TTLL11: variants seen among roughly 807,000 people sequenced by gnomAD.
TTLL11 encodes the protein tubulin tyrosine ligase like 11.
In TTLL11, 42 loss-of-function variants were observed where a neutral mutation model predicts 51.7. The observed-to-expected ratio is 0.81, with a 90% CI of 0.64 to 1.05. The LOEUF (loss-of-function observed/expected upper bound fraction) is 1.05, where lower values mean the gene tolerates loss of function less well. TTLL11 is among the 50% of genes least tolerant of loss of function. The pLI is 0.00. For missense variants in TTLL11, 799 were observed against 940.4 expected (o/e 0.85, Z 1.97); for synonymous variants, 381 against 383.5 (o/e 0.99, Z 0.08).
chr9:121,852,883 C>T (rs906304542), intron 8 of TTLL11, among the ~76,000 whole-genome samples: 4 of 152,230 alleles, frequency 2.6e-5, no homozygotes, highest in Non-Finnish European at 4.4e-5. Context: ...GAACATCGTT[C>T]GTGCCAGACA....
chr9:122,021,169 G>A (rs552039334), intron 3 of TTLL11, among the ~76,000 whole-genome samples: 1 of 152,326 alleles, frequency 6.6e-6, no homozygotes, highest in South Asian at 2.1e-4. Flanking sequence ...ATTCCTGAGA[G>A]ATAGGAATTG....
intron 8 of TTLL11, among the ~76,000 whole-genome samples, chr9:121,834,921 C>T (rs953701905): frequency 1.3e-5 from 2 of 152,078 alleles, no homozygotes; most frequent in Non-Finnish European, 2.9e-5. Flanking sequence ...AGCGCTATCA[C>T]AATAGTGGTT....
Position 121,826,557 on chromosome 9 carries a change from G to GTGTATATATATATATATA in TTLL11, c.1841-3679_1841-3678insTATATATATATATATACA, listed in dbSNP as rs1189626793. ...TGTGTGTATATATATATATGTGTGT[G>GTGTATATATATATATATA]TATATATATATATATATATATATAT... On this transcript the variant is annotated intron_variant, in intron 8 of 8. Coordinates refer to ENST00000321582, the MANE Select transcript of TTLL11 (RefSeq NM_001139442.2). Among the ~76,000 whole-genome samples, 393 of 51,322 alleles carry GTGTATATATATATATATA rather than the reference G, an allele frequency of 7.7e-3. 13 individuals carry two copies. The highest frequency in any genetic ancestry group is 0.026 in the African/African-American group (370 of 14,178). 33.7% of individuals were successfully genotyped at this position (51,322 alleles called of 152,430 possible).
rs753396285 is a variant in TTLL11 at position 122,093,176 on chromosome 9, T to TGCCACCGCC, written c.-37_-29dup. On this transcript the variant is annotated 5_prime_UTR_variant, in exon 1 of 9. Transcript: ENST00000321582. ...TGCTCAGGGCCGGGGCCAGTGCCAGTGCCACCGCCGCCGCCGCCGCCGCTC... is the reference window on the plus strand; with the variant it reads ...TGCTCAGGGCCGGGGCCAGTGCCAGTGCCACCGCCGCCACCGCCGCCGCCGCCGCCGCTC... 3 of 1,492,304 alleles carry TGCCACCGCC rather than the reference T, an allele frequency of 2.0e-6. No individual in the cohort carries two copies. Among genetic ancestry groups the TGCCACCGCC allele is most frequent in the Admixed American group, 2.2e-5 (1 of 44,666 alleles). 92.4% of individuals were successfully genotyped at this position (1,492,304 alleles called of 1,614,324 possible).
chr9:121,884,310 G>A (rs1323731415), intron 6 of TTLL11, among the ~76,000 whole-genome samples: 1 of 149,184 alleles, frequency 6.7e-6, no homozygotes, highest in African/African-American at 2.5e-5. Flanking sequence ...GGAGCCAAAG[G>A]TTTCCATGCC....
rs1201266401 is a variant in TTLL11, at chr9:122,055,236, G to GATAGATAGATAT, written c.463-15869_463-15868insATATCTATCTAT. Among the ~76,000 whole-genome samples, 4 of 145,086 alleles carry GATAGATAGATAT rather than the reference G, an allele frequency of 2.8e-5. No individual in the cohort carries two copies. In the South Asian group the frequency reaches 8.3e-4, roughly 30 times the overall value. On this transcript the variant is annotated intron_variant, in intron 1 of 8. Coordinates refer to ENST00000321582, the MANE Select transcript of TTLL11 (RefSeq NM_001139442.2). ...AGATAGATAGATAGATAGATAGATA[G>GATAGATAGATAT]ATAGATAAAGGGGAGTTTATTAAGT...
At chr9:122,082,942 G>A (rs1399206472) in intron 1 of TTLL11, among the ~76,000 whole-genome samples, 5 of 152,168 alleles carry the variant, frequency 3.3e-5, no homozygotes, top group South Asian at 2.1e-4. Flanking sequence ...GCTGAGGTGG[G>A]AGGATGGTTT....
intron 3 of TTLL11, among the ~76,000 whole-genome samples, chr9:122,011,624 A>G (rs1843793148): frequency 6.6e-6 from 1 of 152,228 alleles, no homozygotes. Flanking sequence ...AAATACACAC[A>G]GAAGTGGTTA....
Position 121,926,927 on chromosome 9 carries a change from CAA to C in TTLL11, c.1481+47080_1481+47081del, listed in dbSNP as rs1840758126. ...GTTGGTTCTGACAAGGATCCTCTTG[CAA>C]ATGCAGACAGCCGACTTCTCATGAG... On this transcript the variant is annotated intron_variant, in intron 6 of 8. Transcript: ENST00000321582. 2.0e-5 allele frequency among the ~76,000 whole-genome samples: 3 copies of C among 152,184 alleles called. No homozygotes were observed. In the South Asian group the frequency reaches 6.2e-4, roughly 32 times the overall value.
intron 3 of TTLL11, among the ~76,000 whole-genome samples, chr9:121,999,961 T>G (rs1184755915): frequency 1.3e-5 from 2 of 152,198 alleles, no homozygotes; most frequent in Non-Finnish European, 2.9e-5. Context: ...GGTCCACATA[T>G]CAGTTCCTAG....
intron 6 of TTLL11, among the ~76,000 whole-genome samples, chr9:121,954,636 G>A (rs1166470008): frequency 1.3e-5 from 2 of 151,486 alleles, no homozygotes; most frequent in African/African-American, 4.9e-5. Context: ...GTGAGAGACT[G>A]TCAAGAACAC....
intron 1 of TTLL11, among the ~76,000 whole-genome samples, chr9:122,071,411 G>T (rs989644626): frequency 6.6e-6 from 1 of 152,172 alleles, no homozygotes; most frequent in East Asian, 1.9e-4. Context: ...CTGGGTCGCT[G>T]TCTCTCTCTG....
At chr9:122,074,866 C>G (rs913150537) in intron 1 of TTLL11, among the ~76,000 whole-genome samples, 1 of 150,096 alleles carries the variant, frequency 6.7e-6, no homozygotes, top group African/African-American at 2.5e-5. Flanking sequence ...CTGGGCAAGA[C>G]AGCAAGACAC....
At chr9:121,937,903 C>T (rs1392895895) in intron 6 of TTLL11, among the ~76,000 whole-genome samples, 1 of 152,026 alleles carries the variant, frequency 6.6e-6, no homozygotes, top group Non-Finnish European at 1.5e-5. Context: ...CCTAGGATTG[C>T]AAGGATGGTA....
Position 121,827,858 on chromosome 9 carries a change from C to T in TTLL11, c.1841-4979G>A, listed in dbSNP as rs141611106. Reference sequence around the variant, plus strand: ...CAGCGCACTCAGATGATTCAAGTTACGCTGCAGGAGCAGGGCTGCTGGGGT... The same window carrying T: ...CAGCGCACTCAGATGATTCAAGTTATGCTGCAGGAGCAGGGCTGCTGGGGT... On this transcript the variant is annotated intron_variant, in intron 8 of 8. Transcript: ENST00000321582. 7.2e-5 allele frequency among the ~76,000 whole-genome samples: 11 copies of T among 152,292 alleles called. No homozygotes were observed. In the East Asian group the frequency reaches 1.7e-3, roughly 24 times the overall value.
At position 121,995,360 on chromosome 9, in the gene TTLL11, G is replaced by C. The variant is rs1843222149; in HGVS notation, c.694-5590C>G. 6.6e-6 allele frequency among the ~76,000 whole-genome samples: 1 copy of C among 152,200 alleles called. No individual in the cohort carries two copies. ...ACCCAGGAGGAAGATAGTTTGGAAG[G>C]AATGAAACCAGGTGTAGGAAGGACC... On this transcript the variant is annotated intron_variant, in intron 3 of 8. Coordinates refer to ENST00000321582, the MANE Select transcript of TTLL11 (RefSeq NM_001139442.2). The surrounding 1 kb of genome is among the most constrained non-coding windows in gnomAD (Gnocchi z 4.4).
At chr9:122,067,198 GAAT>G (rs1845609652) in intron 1 of TTLL11, among the ~76,000 whole-genome samples, 1 of 152,098 alleles carries the variant, frequency 6.6e-6, no homozygotes, top group Non-Finnish European at 1.5e-5. Context: ...TGGAAAACAG[GAAT>G]AATAATTGCA....
intron 8 of TTLL11, among the ~76,000 whole-genome samples, chr9:121,848,015 A>G (rs1837567177): frequency 6.6e-6 from 1 of 152,174 alleles, no homozygotes; most frequent in South Asian, 2.1e-4. Flanking sequence ...AGCCTGGGCA[A>G]TCCTGTGAGA....
chr9:122,077,136 A>C (rs1369325758), intron 1 of TTLL11, among the ~76,000 whole-genome samples: 1 of 152,226 alleles, frequency 6.6e-6, no homozygotes, highest in African/African-American at 2.4e-5. Flanking sequence ...AACTGAGTTT[A>C]TTAAAACATA....
Sources: allele counts gnomAD v4.1 joint callset (sites outside exome capture counted in the v4.1 genomes callset), GRCh38; gene constraint gnomAD v4.1.1; non-coding constraint Gnocchi (gnomAD v3.1); transcripts MANE v1.5; gene names NCBI Gene and HGNC (gene_info 2026-07-23, HGNC 2026-07-21).